Variants in TMCC1 observed in about 807,000 individuals in gnomAD.
The protein encoded by TMCC1 is transmembrane and coiled-coil domains protein 1.
In TMCC1, 15 loss-of-function variants were observed where a neutral mutation model predicts 52.4. That is an observed-to-expected ratio of 0.29 (90% CI 0.19 to 0.44). The LOEUF is 0.44. Ranked by LOEUF, TMCC1 falls within the 20% of genes least tolerant of loss-of-function variation. The probability of loss-of-function intolerance (pLI) is 1.00; values close to 1 mark genes in which losing one functional copy is unlikely to be tolerated. For synonymous variants in TMCC1, 279 were observed against 301.9 expected (o/e 0.92, Z 0.79); for missense variants, 503 against 806.0 (o/e 0.62, Z 4.55).
intron 4 of TMCC1, among the ~76,000 whole-genome samples, chr3:129,790,176 A>G (rs890649772): frequency 6.6e-6 from 1 of 152,216 alleles, no homozygotes; most frequent in African/African-American, 2.4e-5. Flanking sequence ...GGCTACCTCT[A>G]CCCTAAAGTA....
intron 2 of TMCC1, among the ~76,000 whole-genome samples, chr3:129,873,531 C>T (rs1385285886): frequency 2.0e-5 from 3 of 151,830 alleles, no homozygotes. Context: ...ATTTTTTAAA[C>T]TACCCAGGCG....
At chr3:129,836,509 C>G (rs1273368290) in intron 2 of TMCC1, among the ~76,000 whole-genome samples, 1 of 152,220 alleles carries the variant, frequency 6.6e-6, no homozygotes, top group Non-Finnish European at 1.5e-5. Context: ...AGTATATTCT[C>G]TGACCACAAT....
chr3:129,772,413 G>A (rs1370838196), intron 4 of TMCC1, among the ~76,000 whole-genome samples: 1 of 151,872 alleles, frequency 6.6e-6, no homozygotes, highest in African/African-American at 2.4e-5. Flanking sequence ...TAATGCTATA[G>A]AGATTAAAAC....
intron 4 of TMCC1, among the ~76,000 whole-genome samples, chr3:129,778,910 C>T (rs994786522): frequency 1.3e-5 from 2 of 152,144 alleles, no homozygotes; most frequent in Non-Finnish European, 2.9e-5. Context: ...CAGTCTCGGG[C>T]AGTTCTTTAT....
chr3:129,687,700 T>C (rs1162680430), intron 4 of TMCC1, among the ~76,000 whole-genome samples: 2 of 152,144 alleles, frequency 1.3e-5, no homozygotes, highest in African/African-American at 2.4e-5. Flanking sequence ...GCAATGACAA[T>C]GAACCCAAGA....
At chr3:129,675,906 G>A (rs1423354669) in intron 4 of TMCC1, among the ~76,000 whole-genome samples, 9 of 151,750 alleles carry the variant, frequency 5.9e-5, no homozygotes, top group Non-Finnish European at 1.0e-4. Flanking sequence ...GCGTGGTGGC[G>A]GGTGCCTGTA....
At chr3:129,835,328 C>CGT (rs2107850769) in intron 2 of TMCC1, among the ~76,000 whole-genome samples, 1 of 148,710 alleles carries the variant, frequency 6.7e-6, no homozygotes, top group African/African-American at 2.5e-5. Context: ...CTCACTCTTT[C>CGT]ATATATATAT....
intron 4 of TMCC1, among the ~76,000 whole-genome samples, chr3:129,680,507 CT>C (rs2088873453): frequency 6.6e-6 from 1 of 152,162 alleles, no homozygotes; most frequent in East Asian, 1.9e-4. Flanking sequence ...ACTCAGAGGA[CT>C]TGGCTTTAGA....
intron 6 of TMCC1, among the ~76,000 whole-genome samples, chr3:129,652,073 C>T (rs2086365036): frequency 6.6e-6 from 1 of 152,182 alleles, no homozygotes; most frequent in African/African-American, 2.4e-5. Context: ...AATGACAAGA[C>T]CACAAATATA....
At chr3:129,670,129 T>A (rs964748945) in intron 5 of TMCC1, among the ~76,000 whole-genome samples, 1 of 152,218 alleles carries the variant, frequency 6.6e-6, no homozygotes, top group Non-Finnish European at 1.5e-5. Context: ...TTGGACTTCA[T>A]TTTAAAGTTC....
chr3:129,840,493 G>A (rs2059376218), intron 2 of TMCC1, among the ~76,000 whole-genome samples: 1 of 152,174 alleles, frequency 6.6e-6, no homozygotes, highest in African/African-American at 2.4e-5. Flanking sequence ...AGACAAAGTA[G>A]ATTTCAGAAC....
rs577829442 is a variant in TMCC1 at position 129,659,680 on chromosome 3, A to G, written c.1512-4577T>C. Among the ~76,000 whole-genome samples the G allele has an allele frequency of 5.9e-5, 9 of 152,330 alleles. No individual in the cohort carries two copies. In the South Asian group the frequency reaches 1.9e-3, roughly 32 times the overall value. On this transcript the variant is annotated intron_variant, in intron 5 of 6. Coordinates refer to ENST00000393238, the MANE Select transcript of TMCC1 (RefSeq NM_001017395.5). The stretch of plus-strand genomic sequence containing the variant: ...ATCATAAGAAGGTTGCAAACCTGTC[A>G]AAGGTTCTGGAAGTCATTTTCAAAC...
intron 4 of TMCC1, among the ~76,000 whole-genome samples, chr3:129,712,403 T>C (rs2048767822): frequency 6.6e-6 from 1 of 152,212 alleles, no homozygotes; most frequent in African/African-American, 2.4e-5. Context: ...AAATGAGTAA[T>C]GCATGAGGAG....
chr3:129,767,526 C>A (rs1187331676), intron 4 of TMCC1, among the ~76,000 whole-genome samples: 1 of 152,072 alleles, frequency 6.6e-6, no homozygotes, highest in Non-Finnish European at 1.5e-5. Context: ...GTGCACATCA[C>A]CACACTTTGC....
chr3:129,798,524 CAAAAAA>C (rs796919072), intron 4 of TMCC1, among the ~76,000 whole-genome samples: 6 of 67,900 alleles, frequency 8.8e-5, no homozygotes, highest in East Asian at 3.9e-4. Context: ...TCTTCCTATC[CAAAAAA>C]AAAAAAAAAA....
intron 2 of TMCC1, among the ~76,000 whole-genome samples, chr3:129,860,372 TG>T (rs1465804227): frequency 6.6e-6 from 1 of 151,820 alleles, no homozygotes; most frequent in African/African-American, 2.4e-5. Flanking sequence ...GCCCAGCCCG[TG>T]AGTGGAAATT....
chr3:129,682,826 T>C (rs2089109999), intron 4 of TMCC1, among the ~76,000 whole-genome samples: 1 of 152,124 alleles, frequency 6.6e-6, no homozygotes, highest in Non-Finnish European at 1.5e-5. Flanking sequence ...TTCCCCTTCT[T>C]GCCAAAGTTT....
At chr3:129,686,123 T>C (rs947443593) in intron 4 of TMCC1, among the ~76,000 whole-genome samples, 3 of 152,212 alleles carry the variant, frequency 2.0e-5, no homozygotes, top group African/African-American at 7.2e-5. Context: ...CTGAAGAAAT[T>C]ATTTTTTTTA....
intron 2 of TMCC1, among the ~76,000 whole-genome samples, chr3:129,845,340 G>C (rs1449559503): frequency 5.9e-5 from 9 of 152,106 alleles, no homozygotes. Flanking sequence ...AAAAAAGGAG[G>C]AAAGGGGTGA....
Sources: allele counts gnomAD v4.1 joint callset (sites outside exome capture counted in the v4.1 genomes callset), GRCh38; gene constraint gnomAD v4.1.1; transcripts MANE v1.5; gene names NCBI Gene and HGNC (gene_info 2026-07-23, HGNC 2026-07-21).